Variants in ADAM12 observed in about 807,000 individuals in gnomAD.
ADAM12 encodes disintegrin and metalloproteinase domain-containing protein 12.
A neutral mutation model predicts 106.4 loss-of-function variants in ADAM12; 70 were observed. The ratio of observed to expected loss-of-function variants is 0.66; its 90% CI spans 0.54 to 0.80. The LOEUF (loss-of-function observed/expected upper bound fraction) is 0.80. ADAM12 is among the 30% of genes least tolerant of loss of function. ADAM12 has a pLI of 0.00. For synonymous variants in ADAM12, 420 were observed against 433.5 expected (o/e 0.97, Z 0.39); for missense variants, 1,010 against 1,171.9 (o/e 0.86, Z 2.02).
chr10:126,190,334 G>T (rs1173690682), intron 3 of ADAM12, among the ~76,000 whole-genome samples: 1 of 151,828 alleles, frequency 6.6e-6, no homozygotes, highest in East Asian at 1.9e-4. Context: ...CTGAGTAGTT[G>T]GGATTACTCA....
chr10:126,139,718 C>T (rs1025406738), intron 4 of ADAM12, among the ~76,000 whole-genome samples: 1 of 151,904 alleles, frequency 6.6e-6, no homozygotes, highest in Admixed American at 6.6e-5. Context: ...AGGAGTGTAG[C>T]TCTCACAGTG....
intron 2 of ADAM12, among the ~76,000 whole-genome samples, chr10:126,279,731 AAAAC>A (rs1206863444): frequency 5.1e-5 from 3 of 58,558 alleles, no homozygotes; most frequent in Admixed American, 3.7e-4. Flanking sequence ...TCGTCTCAAA[AAAAC>A]AAAAAAAGAA....
intron 3 of ADAM12, among the ~76,000 whole-genome samples, chr10:126,211,315 G>A (rs919918895): frequency 2.0e-5 from 3 of 152,218 alleles, no homozygotes; most frequent in Admixed American, 6.5e-5. Context: ...AGCTAGGCAG[G>A]CGGCATACCC....
intron 1 of ADAM12, among the ~76,000 whole-genome samples, chr10:126,330,778 GA>G (rs1429874834): frequency 4.1e-4 from 63 of 152,290 alleles, no homozygotes; most frequent in African/African-American, 1.4e-3. Flanking sequence ...TCATAGACAA[GA>G]TATATAATTC....
intron 3 of ADAM12, among the ~76,000 whole-genome samples, chr10:126,161,437 T>C (rs1676736): frequency 0.57 from 86,298 of 152,134 alleles, 25,124 homozygotes; most frequent in East Asian, 0.75. Context: ...TTAACCACTG[T>C]GTGGCGCTAC....
chr10:126,115,812 T>C (rs532644710), intron 6 of ADAM12, among the ~76,000 whole-genome samples: 1 of 152,312 alleles, frequency 6.6e-6, no homozygotes, highest in East Asian at 1.9e-4. Flanking sequence ...AATGTCCCTT[T>C]CATATTTACC....
intron 3 of ADAM12, among the ~76,000 whole-genome samples, chr10:126,189,241 G>C (rs546373743): frequency 2.0e-5 from 3 of 152,212 alleles, no homozygotes; most frequent in African/African-American, 7.2e-5. Flanking sequence ...AAGGTGTTTA[G>C]ACAGTGGGAA....
At chr10:126,332,503 G>C (rs1407453931) in intron 1 of ADAM12, among the ~76,000 whole-genome samples, 2 of 152,190 alleles carry the variant, frequency 1.3e-5, no homozygotes, top group African/African-American at 4.8e-5. Flanking sequence ...CAACCTTCTT[G>C]TCAATCAAAC....
At chr10:126,082,278 A>C (rs1405258483) in intron 11 of ADAM12, among the ~76,000 whole-genome samples, 1 of 151,002 alleles carries the variant, frequency 6.6e-6, no homozygotes, top group Non-Finnish European at 1.5e-5. Context: ...TTTCCTGGCC[A>C]CAGCCAAGTC....
chr10:126,246,673 A>G (rs1958636541), intron 3 of ADAM12, among the ~76,000 whole-genome samples: 1 of 152,238 alleles, frequency 6.6e-6, no homozygotes, highest in Non-Finnish European at 1.5e-5. Flanking sequence ...GGCTTTTGAT[A>G]AAATTCAACA....
intron 11 of ADAM12, among the ~76,000 whole-genome samples, chr10:126,079,541 C>T (rs1380439): frequency 0.3 from 46,003 of 152,050 alleles, 7,130 homozygotes; most frequent in South Asian, 0.42. Flanking sequence ...TATTCCATTG[C>T]AAGTGAGACC....
rs546880646 is a variant in ADAM12, at chr10:126,315,288, A to G, written c.186+15124T>C. Among the ~76,000 whole-genome samples the G allele has an allele frequency of 5.9e-5, 9 of 152,248 alleles. No individual in the cohort carries two copies. The East Asian group carries it at 1.4e-3, about 23-fold the overall frequency. The stretch of plus-strand genomic sequence containing the variant: ...AGCTTCTGGACATTTATTTTATAGG[A>G]AAAGATCTTTAAAGTTTCTCCAACT... On this transcript the variant is annotated intron_variant, in intron 2 of 22. Transcript: ENST00000448723.
chr10:126,301,705 T>C (rs1488099285), intron 2 of ADAM12, among the ~76,000 whole-genome samples: 4 of 152,124 alleles, frequency 2.6e-5, no homozygotes, highest in Non-Finnish European at 4.4e-5. Context: ...CATCAAAGGT[T>C]ATATTTAATC....
chr10:126,225,950 G>C (rs1184240281), intron 3 of ADAM12, among the ~76,000 whole-genome samples: 2 of 152,158 alleles, frequency 1.3e-5, no homozygotes, highest in African/African-American at 4.8e-5. Context: ...TAACAGAAAT[G>C]GGAGTGCGGA....
intron 6 of ADAM12, among the ~76,000 whole-genome samples, chr10:126,116,758 A>G (rs1955990818): frequency 6.6e-6 from 1 of 152,144 alleles, no homozygotes; most frequent in Non-Finnish European, 1.5e-5. Context: ...TGAATGTAAA[A>G]TTAGAGTTAA....
chr10:126,017,364 A>G, intron 22 of ADAM12, 25 bp from the exon 23 acceptor site: 1 of 1,557,656 alleles, frequency 6.4e-7, no homozygotes, highest in Non-Finnish European at 8.7e-7. Context: ...GAGAAAAAAA[A>G]ATGATCAGAG....
intron 1 of ADAM12, among the ~76,000 whole-genome samples, chr10:126,352,101 A>G (rs1855382322): frequency 6.6e-6 from 1 of 152,118 alleles, no homozygotes; most frequent in South Asian, 2.1e-4. Flanking sequence ...GCTGACACTT[A>G]ACATAAGGTC....
At chr10:126,062,220 C>T (rs1056346409) in intron 14 of ADAM12, among the ~76,000 whole-genome samples, 1 of 152,192 alleles carries the variant, frequency 6.6e-6, no homozygotes, top group Non-Finnish European at 1.5e-5. Flanking sequence ...TTCACCAAAA[C>T]TTTACATTTG....
At chr10:126,195,528 C>A (rs759369458) in intron 3 of ADAM12, among the ~76,000 whole-genome samples, 1 of 152,002 alleles carries the variant, frequency 6.6e-6, no homozygotes, top group African/African-American at 2.4e-5. Context: ...TGAGCCAAAT[C>A]GCACCATTGC....
Sources: gnomAD v4.1 joint callset for allele counts (sites outside exome capture counted in the v4.1 genomes callset) on GRCh38, gnomAD v4.1.1 for gene constraint, MANE v1.5 for transcripts, NCBI Gene and HGNC (gene_info 2026-07-23, HGNC 2026-07-21) for gene names.